SHANK1: variants seen among roughly 807,000 people sequenced by gnomAD.
SHANK1 encodes the protein SH3 and multiple ankyrin repeat domains protein 1.
A neutral mutation model predicts 165.6 loss-of-function variants in SHANK1; 35 were observed. That is an observed-to-expected ratio of 0.21 (90% CI 0.16 to 0.28). The LOEUF is 0.28. Among genes scored for constraint, SHANK1 ranks in the 10% least tolerant of loss-of-function variants. The pLI is 1.00. For synonymous variants in SHANK1, 1,428 were observed against 1,384.8 expected, an observed-to-expected ratio of 1.03 and a Z score of -0.69; for missense variants, 2,681 against 3,036.4, an observed-to-expected ratio of 0.88 and a Z score of 2.75.
intron 5 of SHANK1, 65 bp from the exon 6 acceptor site, chr19:50,714,014 C>T (rs2089040006): frequency 5.0e-6 from 8 of 1,591,316 alleles, no homozygotes; most frequent in Non-Finnish European, 6.0e-6. Context: ...TTCCCATTTT[C>T]CAGGCTCTGC....
At chr19:50,707,794 T>C (rs962838564) in intron 8 of SHANK1, among the ~76,000 whole-genome samples, 4 of 151,876 alleles carry the variant, frequency 2.6e-5, no homozygotes, top group Admixed American at 2.6e-4. Flanking sequence ...TGTTTGGGAG[T>C]GTGTGTGTGC....
intron 7 of SHANK1, 45 bp downstream of exon 7, chr19:50,711,902 A>G (rs2089014738): frequency 6.2e-7 from 1 of 1,607,276 alleles, no homozygotes; most frequent in Non-Finnish European, 8.5e-7. Context: ...TGCCTCAGGG[A>G]CTGGGTCCCC....
chr19:50,696,905 C>T (rs1383580944), intron 15 of SHANK1, among the ~76,000 whole-genome samples, 191 bp downstream of exon 15: 1 of 152,180 alleles, frequency 6.6e-6, no homozygotes, highest in Non-Finnish European at 1.5e-5. Flanking sequence ...GCAGACCCTC[C>T]AGCCCCGGGC....
At chr19:50,665,737 T>TAAAAAAAAAAAAAAAAA (rs71182756) in intron 23 of SHANK1, among the ~76,000 whole-genome samples, 66 of 98,122 alleles carry the variant, frequency 6.7e-4, no homozygotes, top group African/African-American at 9.9e-4. Flanking sequence ...ACCCTGTTTC[T>TAAAAAAAAAAAAAAAAA]AAAAAAAAAA....
chr19:50,689,382 T>C (rs1333098683), intron 15 of SHANK1, 103 bp from the exon 16 acceptor site: 1 of 829,996 alleles, frequency 1.2e-6, no homozygotes, highest in Non-Finnish European at 2.1e-6. Context: ...CCCAAACCTC[T>C]GCTCCAGGGC....
chr19:50,715,592 A>T, intron 4 of SHANK1, 67 bp downstream of exon 4: 4 of 1,307,538 alleles, frequency 3.1e-6, no homozygotes, highest in Non-Finnish European at 4.3e-6. Context: ...GGGGAGAGAA[A>T]GTGGTTGGGT....
rs1986421420 is a variant in SHANK1 at position 50,688,175 on chromosome 19, T to C, written c.2173-117A>G. The C allele has an allele frequency of 7.0e-6, 9 of 1,281,208 alleles. No homozygotes were observed. Among genetic ancestry groups the C allele is most frequent in the South Asian group, 4.0e-5 (3 of 74,652 alleles). 79.4% of individuals were successfully genotyped at this position (1,281,208 alleles called of 1,614,324 possible). A position where few individuals can be genotyped will look rare whatever the true frequency, so the allele number is the denominator to read the frequency against. Reference sequence around the variant, plus strand: ...GCCCTGTCCATGGCCCTCTGGGCTATGTTCCTCTCCCTCCGACCCTTCATA... The same window carrying C: ...GCCCTGTCCATGGCCCTCTGGGCTACGTTCCTCTCCCTCCGACCCTTCATA... On this transcript the variant is annotated intron_variant, in intron 17 of 23. Coordinates refer to ENST00000293441, the MANE Select transcript of SHANK1 (RefSeq NM_016148.5). This position sits in a 1 kb window ranked among gnomAD's most constrained non-coding sequence, Gnocchi z 6.7.
chr19:50,659,688 TTCC>T lies in SHANK1; in HGVS notation c.*2274_*2276del, dbSNP rs1392391075. ...TTTATATTTTCTTCTTTTGTTATTG[TTCC>T]TCTTTTTGCTTTTTCTCTCCTCTCC... On this transcript the variant is annotated 3_prime_UTR_variant, in exon 24 of 24. Coordinates refer to ENST00000293441, the MANE Select transcript of SHANK1 (RefSeq NM_016148.5). Among the ~76,000 whole-genome samples the T allele has an allele frequency of 1.3e-5, 2 of 150,836 alleles. No homozygotes were observed. Among genetic ancestry groups the T allele is most frequent in the Non-Finnish European group, 3.0e-5 (2 of 67,742 alleles).
Position 50,716,266 on chromosome 19 carries a change from A to G in SHANK1, c.459+9T>C. On this transcript the variant is annotated intron_variant, in intron 3 of 23. Coordinates refer to ENST00000293441, the MANE Select transcript of SHANK1 (RefSeq NM_016148.5). This position sits in a 1 kb window ranked among gnomAD's most constrained non-coding sequence, Gnocchi z 8.4. ...TCTCTTATCAGTGAAGGAGTTGGGG[A>G]AGCTTCACCTCCAGGTAGGGGACCC... is the stretch of plus-strand genomic sequence containing the variant. 6 of 1,612,634 alleles carry G rather than the reference A, an allele frequency of 3.7e-6. No individual in the cohort carries two copies. The highest frequency in any genetic ancestry group is 5.1e-6 in the Non-Finnish European group (6 of 1,178,886).
At chr19:50,677,869 C>T (rs538512948) in intron 21 of SHANK1, among the ~76,000 whole-genome samples, 2 of 152,350 alleles carry the variant, frequency 1.3e-5, no homozygotes, top group South Asian at 4.1e-4. Flanking sequence ...CTCAATCCTT[C>T]TCCACTTTGC....
chr19:50,680,656 CTT>C (rs1464849498), intron 21 of SHANK1, among the ~76,000 whole-genome samples: 2 of 103,626 alleles, frequency 1.9e-5, no homozygotes, highest in Non-Finnish European at 1.7e-5. Flanking sequence ...ATAGTGGCAT[CTT>C]TTTTTTTTTT....
Position 50,662,646 on chromosome 19 carries a change from C to T in SHANK1, c.5805G>A (p.Lys1935=). The part of the protein sequence containing the change: ...SDDSQSSLLS[K]PVSSLFQNWP... ...AGTTCTGAAACAGGCTGCTGACAGG[C>T]TTGGAGAGGAGTGAGGACTGGGAGT... Residue 1935 remains lysine (K), a synonymous_variant, in exon 24 of 24, where the codon AAG becomes AAA. Coordinates refer to ENST00000293441, the MANE Select transcript of SHANK1 (RefSeq NM_016148.5). This position sits in a 1 kb window ranked among gnomAD's most constrained non-coding sequence, Gnocchi z 7.7. The T allele has an allele frequency of 6.4e-7, 1 of 1,561,684 alleles. No homozygotes were observed. The highest frequency in any genetic ancestry group is 1.4e-5 in the African/African-American group (1 of 72,474).
intron 4 of SHANK1, 31 bp downstream of exon 4, chr19:50,715,628 T>C (rs1200271672): frequency 1.0e-5 from 16 of 1,601,872 alleles, no homozygotes; most frequent in Admixed American, 5.0e-5. Flanking sequence ...TAGGGGGCTA[T>C]AGGGGATAGA....
intron 23 of SHANK1, among the ~76,000 whole-genome samples, chr19:50,663,940 C>CTTTTTTTTT (rs3087079): frequency 9.2e-6 from 1 of 108,936 alleles, no homozygotes; most frequent in Non-Finnish European, 1.7e-5. Context: ...CTCTCTCTCT[C>CTTTTTTTTT]TTTTTTTTTT....
chr19:50,688,151 C>T lies in SHANK1; in HGVS notation c.2173-93G>A, dbSNP rs1986420751. On this transcript the variant is annotated intron_variant, in intron 17 of 23. Coordinates refer to ENST00000293441, the MANE Select transcript of SHANK1 (RefSeq NM_016148.5). The surrounding 1 kb of genome is among the most constrained non-coding windows in gnomAD (Gnocchi z 6.7). ...CCCAAGGAGGATGCCTCCTGCGCTG[C>T]CCTGTCCATGGCCCTCTGGGCTATG... The T allele has an allele frequency of 2.0e-6, 3 of 1,470,664 alleles. No homozygotes were observed. The highest frequency in any genetic ancestry group is 2.8e-6 in the Non-Finnish European group (3 of 1,069,850). 91.1% of individuals were successfully genotyped at this position (1,470,664 alleles called of 1,614,324 possible).
At position 50,667,877 on chromosome 19, in the gene SHANK1, C is replaced by T. The variant is rs1049016489; in HGVS notation, c.4083G>A (p.Glu1361=). 7.6e-7 allele frequency: 1 copy of T among 1,316,990 alleles called. No homozygotes were observed. Among genetic ancestry groups the T allele is most frequent in the South Asian group, 2.1e-5 (1 of 47,184 alleles). The allele number at this position is 1,316,990 out of a possible 1,614,324, so 81.6% of individuals were successfully genotyped here. A position where few individuals can be genotyped will look rare whatever the true frequency, so the allele number is the denominator to read the frequency against. The change falls in exon 23 of 24, where the codon GAG becomes GAA. Residue 1361 remains glutamate (E), a synonymous_variant. Transcript: ENST00000293441. This position sits in a 1 kb window ranked among gnomAD's most constrained non-coding sequence, Gnocchi z 5.7. ...SPLGLALAAR[E]RALKESSEGG... is the part of the protein sequence containing the mutation. The stretch of plus-strand genomic sequence containing the variant: ...CCTCCGAGGACTCCTTCAGCGCTCG[C>T]TCGCGGGCGGCCAGGGCCAGCCCCA...
chr19:50,671,988 C>A (rs770456021), intron 22 of SHANK1, 30 bp downstream of exon 22: 1 of 1,541,254 alleles, frequency 6.5e-7, no homozygotes, highest in Non-Finnish European at 9.0e-7. Flanking sequence ...CCTCCCCCAG[C>A]CCCCACATCT....
At position 50,697,767 on chromosome 19, in the gene SHANK1, A is replaced by C; in HGVS notation, c.1861+76T>G. ...CTTCCCATCTACCTCCCAGTACCCC[A>C]CCCCCATTAGGAAGGGAAAGGAGTG... On this transcript the variant is annotated intron_variant, in intron 13 of 23. Coordinates refer to ENST00000293441, the MANE Select transcript of SHANK1 (RefSeq NM_016148.5). The surrounding 1 kb of genome is among the most constrained non-coding windows in gnomAD (Gnocchi z 4.7). 1 of 1,506,626 alleles carries C rather than the reference A, an allele frequency of 6.6e-7. No homozygotes were observed. Among genetic ancestry groups the C allele is most frequent in the Non-Finnish European group, 9.2e-7 (1 of 1,084,964 alleles). 93.3% of individuals were successfully genotyped at this position (1,506,626 alleles called of 1,614,324 possible).
At chr19:50,712,979 G>C (rs1038395322) in intron 6 of SHANK1, among the ~76,000 whole-genome samples, 4 of 152,198 alleles carry the variant, frequency 2.6e-5, no homozygotes, top group Non-Finnish European at 5.9e-5. Flanking sequence ...TGTGGGTTTG[G>C]GGGTGAGTGT....
Sources: gnomAD v4.1 joint callset for allele counts (sites outside exome capture counted in the v4.1 genomes callset) on GRCh38, gnomAD v4.1.1 for gene constraint, Gnocchi (gnomAD v3.1) non-coding constraint, MANE v1.5 for transcripts, NCBI Gene and HGNC (gene_info 2026-07-23, HGNC 2026-07-21) for gene names.